The following SCHIP1 variants were observed in gnomAD, a reference collection of about 807,000 sequenced individuals.
The protein encoded by SCHIP1 is schwannomin interacting protein 1, also known as schwannomin-interacting protein 1.
A neutral mutation model predicts 29.7 loss-of-function variants in SCHIP1; 8 were observed. That is an observed-to-expected ratio of 0.27 (90% CI 0.16 to 0.49). The LOEUF is 0.49. SCHIP1 is among the 20% of genes least tolerant of loss of function. The pLI, the probability that SCHIP1 is intolerant of heterozygous loss-of-function variation, is 0.99. For missense variants in SCHIP1, 193 were observed against 294.6 expected, an observed-to-expected ratio of 0.66 and a Z score of 2.52; for synonymous variants, 76 against 94.9, an observed-to-expected ratio of 0.80 and a Z score of 1.16.
At chr3:159,674,758 A>C in the SCHIP1 span, among the ~76,000 whole-genome samples, 1 of 152,194 alleles carries the variant, frequency 6.6e-6, no homozygotes, top group African/African-American at 2.4e-5. Context: ...AGGCTAGGCC[A>C]GTTCCAATTA....
At chr3:159,875,932 C>G (rs1325705025) in intron 2 of SCHIP1, among the ~76,000 whole-genome samples, 1 of 151,842 alleles carries the variant, frequency 6.6e-6, no homozygotes, top group Non-Finnish European at 1.5e-5. Flanking sequence ...GTCTCTAGAA[C>G]AAAACAAAAC....
At chr3:159,392,809 G>A in the SCHIP1 span, among the ~76,000 whole-genome samples, 1 of 152,094 alleles carries the variant, frequency 6.6e-6, no homozygotes, top group African/African-American at 2.4e-5. Flanking sequence ...ATGATTTGTA[G>A]TCCTTTGGGT....
At chr3:159,537,943 T>A in the SCHIP1 span, among the ~76,000 whole-genome samples, 1 of 152,122 alleles carries the variant, frequency 6.6e-6, no homozygotes, top group African/African-American at 2.4e-5. Flanking sequence ...CAGAAGCCAA[T>A]AGGCACAAAC....
At chr3:159,652,520 C>T in the SCHIP1 span, among the ~76,000 whole-genome samples, 1 of 152,100 alleles carries the variant, frequency 6.6e-6, no homozygotes, top group Non-Finnish European at 1.5e-5. Context: ...TGGTCCCTGG[C>T]CCAGTGGAGC....
At chr3:159,382,049 C>CT in the SCHIP1 span, among the ~76,000 whole-genome samples, 1 of 151,514 alleles carries the variant, frequency 6.6e-6, no homozygotes, top group Non-Finnish European at 1.5e-5. Flanking sequence ...TCTACTCATT[C>CT]TTTTTTCCAT....
At chr3:159,384,336 CA>C in the SCHIP1 span, among the ~76,000 whole-genome samples, 2 of 151,034 alleles carry the variant, frequency 1.3e-5, no homozygotes, top group East Asian at 3.9e-4. Context: ...TGAATTTTGT[CA>C]AAGGCCTTTT....
At chr3:159,297,141 T>C in the SCHIP1 span, among the ~76,000 whole-genome samples, 1 of 141,158 alleles carries the variant, frequency 7.1e-6, no homozygotes, top group African/African-American at 2.9e-5. Flanking sequence ...TGTGTGTGTG[T>C]GTGTGTGTGT....
chr3:159,375,845 T>A, the SCHIP1 span: 3 of 699,126 alleles, frequency 4.3e-6, no homozygotes, highest in Non-Finnish European at 5.3e-6. Flanking sequence ...ATGAAAGGAT[T>A]TGGAAGTCAG....
chr3:159,709,768 A>G, the SCHIP1 span, among the ~76,000 whole-genome samples: 2 of 152,242 alleles, frequency 1.3e-5, no homozygotes, highest in Non-Finnish European at 2.9e-5. Flanking sequence ...GAACTAAGGA[A>G]CAGATGTCTA....
the SCHIP1 span, among the ~76,000 whole-genome samples, chr3:159,569,045 T>C: frequency 6.6e-6 from 1 of 152,212 alleles, no homozygotes; most frequent in Non-Finnish European, 1.5e-5. Context: ...AAAAGCTTCC[T>C]TATGGTTGAA....
At chr3:159,665,546 T>TTGTGTGTGTGTGTG in the SCHIP1 span, among the ~76,000 whole-genome samples, 559 of 147,556 alleles carry the variant, frequency 3.8e-3, 3 homozygotes, top group African/African-American at 0.012. Context: ...GTTTTTGGGG[T>TTGTGTGTGTGTGTG]TGTGTGTGTG....
the SCHIP1 span, among the ~76,000 whole-genome samples, chr3:159,321,875 A>G: frequency 6.6e-6 from 1 of 152,068 alleles, no homozygotes; most frequent in Non-Finnish European, 1.5e-5. Context: ...CTTTTAATAA[A>G]CCTCTTAAAA....
At chr3:159,568,840 T>G in the SCHIP1 span, among the ~76,000 whole-genome samples, 1 of 152,298 alleles carries the variant, frequency 6.6e-6, no homozygotes. Context: ...CCCTCAACAA[T>G]TATGGATTTG....
chr3:159,303,715 C>A, the SCHIP1 span, among the ~76,000 whole-genome samples: 1 of 151,960 alleles, frequency 6.6e-6, no homozygotes, highest in African/African-American at 2.4e-5. Flanking sequence ...GATTCCTGAG[C>A]AGTAGGAGGG....
the SCHIP1 span, among the ~76,000 whole-genome samples, chr3:159,448,254 A>C: frequency 6.6e-6 from 1 of 152,108 alleles, no homozygotes; most frequent in East Asian, 1.9e-4. Context: ...CGGGTGGATC[A>C]TGAGGTCAAA....
the SCHIP1 span, among the ~76,000 whole-genome samples, chr3:159,342,497 A>G: frequency 1.3e-5 from 2 of 152,178 alleles, no homozygotes; most frequent in Non-Finnish European, 2.9e-5. Context: ...ATATCTTTAC[A>G]TTTTTAGTAT....
the SCHIP1 span, among the ~76,000 whole-genome samples, chr3:159,744,590 AG>A: frequency 6.6e-6 from 1 of 152,208 alleles, no homozygotes; most frequent in African/African-American, 2.4e-5. Context: ...CAAAGTTGAA[AG>A]GTTAAAAATG....
At chr3:159,496,936 T>C in the SCHIP1 span, among the ~76,000 whole-genome samples, 3 of 152,122 alleles carry the variant, frequency 2.0e-5, no homozygotes, top group Non-Finnish European at 4.4e-5. Context: ...TAAAAAATGA[T>C]AAGTTCATGT....
At chr3:159,700,612 G>A in the SCHIP1 span, among the ~76,000 whole-genome samples, 1 of 152,096 alleles carries the variant, frequency 6.6e-6, no homozygotes, top group African/African-American at 2.4e-5. Context: ...CTAAGGTCAG[G>A]AGTTCGAGAC....
Sources: gnomAD v4.1 joint callset for allele counts (sites outside exome capture counted in the v4.1 genomes callset) on GRCh38, gnomAD v4.1.1 for gene constraint, MANE v1.5 for transcripts, NCBI Gene and HGNC (gene_info 2026-07-23, HGNC 2026-07-21) for gene names.